BCL2A1: variants seen among roughly 807,000 people sequenced by gnomAD.
BCL2A1 encodes the protein bcl-2-related protein A1.
Under a neutral mutation model 14.4 loss-of-function variants are expected in BCL2A1, and 10 were observed. The ratio of observed to expected loss-of-function variants is 0.69; its 90% CI spans 0.43 to 1.18. The LOEUF (loss-of-function observed/expected upper bound fraction) is 1.18, where lower values mean the gene tolerates loss of function less well. Ranked by LOEUF, BCL2A1 falls within the 50% of genes most tolerant of loss-of-function variation. The pLI, the probability that BCL2A1 is intolerant of heterozygous loss-of-function variation, is 0.00. For missense variants in BCL2A1, 158 were observed against 205.0 expected (o/e 0.77, Z 1.40); for synonymous variants, 71 against 76.5 (o/e 0.93, Z 0.38).
At chr15:79,961,637 A>T (rs1024635866) in intron 1 of BCL2A1, among the ~76,000 whole-genome samples, 1 of 152,084 alleles carries the variant, frequency 6.6e-6, no homozygotes, top group Non-Finnish European at 1.5e-5. Flanking sequence ...ATTTCAATGC[A>T]CTTATATTTG....
intron 1 of BCL2A1, among the ~76,000 whole-genome samples, chr15:79,965,189 A>G (rs2035528702): frequency 6.6e-6 from 1 of 152,118 alleles, no homozygotes; most frequent in Admixed American, 6.6e-5. Context: ...GTGCAGTGGC[A>G]CGATCTCACC....
chr15:79,962,809 G>T (rs569540971), intron 1 of BCL2A1, among the ~76,000 whole-genome samples: 132 of 152,086 alleles, frequency 8.7e-4, no homozygotes, highest in African/African-American at 3.0e-3. Flanking sequence ...GCCTCACAAA[G>T]TGCTGGGATT....
At chr15:79,968,843 T>G (rs1008475203) in intron 1 of BCL2A1, among the ~76,000 whole-genome samples, 1 of 152,162 alleles carries the variant, frequency 6.6e-6, no homozygotes, top group African/African-American at 2.4e-5. Context: ...GGCAGGAGAA[T>G]TGCTCGAAAC....
chr15:79,961,016 T>C lies in BCL2A1; in HGVS notation c.*51A>G. 5.6e-6 allele frequency: 9 copies of C among 1,608,006 alleles called. No individual in the cohort carries two copies. The highest frequency in any genetic ancestry group is 7.7e-6 in the Non-Finnish European group (9 of 1,174,914). The stretch of plus-strand genomic sequence containing the variant: ...AAGTATGTGTTGGCAATCGTTTCCA[T>C]ATCAGTCAGAAAAATTAGGCCGGTT... On this transcript the variant is annotated 3_prime_UTR_variant, in exon 2 of 2. Coordinates refer to ENST00000267953, the MANE Select transcript of BCL2A1 (RefSeq NM_004049.4).
intron 1 of BCL2A1, among the ~76,000 whole-genome samples, chr15:79,963,920 T>C (rs2035513825): frequency 6.6e-6 from 1 of 152,216 alleles, no homozygotes; most frequent in Non-Finnish European, 1.5e-5. Context: ...AATGTTAACA[T>C]GAAATATGTG....
chr15:79,967,527 G>A (rs927226318), intron 1 of BCL2A1: 6 of 1,253,286 alleles, frequency 4.8e-6, no homozygotes, highest in African/African-American at 1.5e-5. Flanking sequence ...ATACCGCATT[G>A]TTGATTCAAA....
intron 1 of BCL2A1, among the ~76,000 whole-genome samples, chr15:79,964,664 C>T (rs1050316670): frequency 9.2e-5 from 14 of 152,130 alleles, no homozygotes; most frequent in South Asian, 6.2e-4. Context: ...TACATTTTCA[C>T]GGCAGACACA....
At chr15:79,967,221 C>CTT (rs766307327) in intron 1 of BCL2A1, among the ~76,000 whole-genome samples, 1,172 of 115,022 alleles carry the variant, frequency 0.01, 44 homozygotes, top group African/African-American at 0.033. Flanking sequence ...TCACATACCG[C>CTT]TTTTTTTTTT....
At chr15:79,962,030 T>C (rs1272087211) in intron 1 of BCL2A1, among the ~76,000 whole-genome samples, 1 of 152,180 alleles carries the variant, frequency 6.6e-6, no homozygotes, top group Non-Finnish European at 1.5e-5. Flanking sequence ...ACTCCATACA[T>C]TTCCAAACAA....
At position 79,964,225 on chromosome 15, in the gene BCL2A1, A is replaced by G. The variant is rs572079234; in HGVS notation, c.421-3051T>C. 5.3e-5 allele frequency among the ~76,000 whole-genome samples: 8 copies of G among 152,334 alleles called. No homozygotes were observed. The East Asian group carries it at 1.5e-3, about 29-fold the overall frequency. ...GGAATGGTGATAGTTTGTTAAATTCAGCTACCTTGGTTACAAGAAAACCTA... is the reference window on the plus strand; with the variant it reads ...GGAATGGTGATAGTTTGTTAAATTCGGCTACCTTGGTTACAAGAAAACCTA... On this transcript the variant is annotated intron_variant, in intron 1 of 1. Coordinates refer to ENST00000267953, the MANE Select transcript of BCL2A1 (RefSeq NM_004049.4).
intron 1 of BCL2A1, 46 bp downstream of exon 1, chr15:79,970,654 C>A: frequency 6.6e-7 from 1 of 1,505,014 alleles, no homozygotes; most frequent in East Asian, 2.3e-5. Flanking sequence ...TTCTCAATTT[C>A]TATTTCACAG....
At chr15:79,961,624 T>C (rs1009721845) in intron 1 of BCL2A1, among the ~76,000 whole-genome samples, 2 of 152,180 alleles carry the variant, frequency 1.3e-5, no homozygotes, top group African/African-American at 4.8e-5. Context: ...TTGTCCAACA[T>C]TGATTTCAAT....
intron 1 of BCL2A1, among the ~76,000 whole-genome samples, chr15:79,968,434 T>A (rs957872097): frequency 2.6e-5 from 4 of 152,098 alleles, no homozygotes; most frequent in African/African-American, 7.2e-5. Flanking sequence ...TCAGGCTCAG[T>A]TAGAAAGAAC....
chr15:79,961,170 T>G lies in BCL2A1; in HGVS notation c.425A>C (p.Asn142Thr), dbSNP rs770984302. 6.8e-6 allele frequency: 11 copies of G among 1,612,704 alleles called. No individual in the cohort carries two copies. Among genetic ancestry groups the G allele is most frequent in the Non-Finnish European group, 9.3e-6 (11 of 1,178,884 alleles). Residue 142 changes from asparagine to threonine, a missense_variant, in exon 2 of 2, where the codon AAT becomes ACT. Transcript: ENST00000267953. ...AGGTTCAAACTTCTTTACAAAGCCA[T>G]TTTCCTATAAAAGAATAAATTTAAC... ...EWIRQNGGWE[N>T]GFVKKFEPKS...
chr15:79,967,930 T>TA lies in BCL2A1; in HGVS notation c.420+2769dup, dbSNP rs397977008. The stretch of plus-strand genomic sequence containing the variant: ...ACTTGAACTATTCAGGTGTTTTTTT[T>TA]AAAAAAAAAAAAGAGCTTGGAAACT... On this transcript the variant is annotated intron_variant, in intron 1 of 1. Coordinates refer to ENST00000267953, the MANE Select transcript of BCL2A1 (RefSeq NM_004049.4). Among the ~76,000 whole-genome samples, 171 of 144,254 alleles carry TA rather than the reference T, an allele frequency of 1.2e-3. 1 individual carries two copies. The highest frequency in any genetic ancestry group is 1.6e-3 in the South Asian group (7 of 4,488). The allele number at this position is 144,254 out of a possible 152,430, so 94.6% of individuals were successfully genotyped here. A position where few individuals can be genotyped will look rare whatever the true frequency, so the allele number is the denominator to read the frequency against.
At chr15:79,961,311 T>G in intron 1 of BCL2A1, 137 bp from the exon 2 acceptor site, 1 of 801,298 alleles carries the variant, frequency 1.2e-6, no homozygotes. Context: ...CAGCAGCATC[T>G]AACAGAAATA....
intron 1 of BCL2A1, among the ~76,000 whole-genome samples, chr15:79,969,749 T>C (rs1282798602): frequency 6.6e-6 from 1 of 152,198 alleles, no homozygotes; most frequent in Non-Finnish European, 1.5e-5. Context: ...TATAAAACTT[T>C]TTTTACAAAA....
At chr15:79,961,876 ACTATCT>A (rs963947005) in intron 1 of BCL2A1, among the ~76,000 whole-genome samples, 9 of 152,150 alleles carry the variant, frequency 5.9e-5, no homozygotes, top group Non-Finnish European at 1.0e-4. Flanking sequence ...CTCACCAAAA[ACTATCT>A]CTGAGATCAT....
chr15:79,963,090 T>TTCTGCC (rs1022892015), intron 1 of BCL2A1, among the ~76,000 whole-genome samples: 19 of 152,158 alleles, frequency 1.2e-4, no homozygotes, highest in African/African-American at 4.6e-4. Flanking sequence ...CAAGCGATTC[T>TTCTGCC]TCTGCCTCTG....
Sources: gnomAD v4.1 joint callset for allele counts (sites outside exome capture counted in the v4.1 genomes callset) on GRCh38, gnomAD v4.1.1 for gene constraint, MANE v1.5 for transcripts, NCBI Gene and HGNC (gene_info 2026-07-23, HGNC 2026-07-21) for gene names.